The following PTPRN2 variants were observed in gnomAD, a reference collection of about 807,000 sequenced individuals.
The protein encoded by PTPRN2 is protein tyrosine phosphatase receptor type N2.
Under a neutral mutation model 118.8 loss-of-function variants are expected in PTPRN2, and 74 were observed. That is an observed-to-expected ratio of 0.62 (90% CI 0.52 to 0.76). PTPRN2 has a LOEUF of 0.76. Ranked by LOEUF, PTPRN2 falls within the 30% of genes least tolerant of loss-of-function variation. The pLI, the probability that PTPRN2 is intolerant of heterozygous loss-of-function variation, is 0.00. For synonymous variants in PTPRN2, 641 were observed against 608.0 expected, an observed-to-expected ratio of 1.05 and a Z score of -0.80; for missense variants, 1,481 against 1,394.4, an observed-to-expected ratio of 1.06 and a Z score of -0.99.
intron 3 of PTPRN2, among the ~76,000 whole-genome samples, chr7:158,273,689 A>T (rs1256030915): frequency 8.0e-6 from 1 of 124,430 alleles, no homozygotes; most frequent in East Asian, 2.5e-4. Flanking sequence ...AGACACAGGG[A>T]GCCGCAGACA....
intron 18 of PTPRN2, 144 bp downstream of exon 18, chr7:157,577,877 A>G: frequency 8.7e-7 from 1 of 1,146,052 alleles, no homozygotes; most frequent in Non-Finnish European, 1.2e-6. Context: ...GGGGTGGCTC[A>G]GCCTCCATCC....
At chr7:158,248,971 G>A (rs906533130) in intron 3 of PTPRN2, among the ~76,000 whole-genome samples, 1 of 136,350 alleles carries the variant, frequency 7.3e-6, no homozygotes. Context: ...GCACATACAC[G>A]TGCACACCAC....
chr7:157,959,252 A>G (rs1388794974), intron 11 of PTPRN2, among the ~76,000 whole-genome samples: 1 of 152,254 alleles, frequency 6.6e-6, no homozygotes, highest in African/African-American at 2.4e-5. Flanking sequence ...AGATGAAACT[A>G]TAAAGCTCTA....
intron 3 of PTPRN2, among the ~76,000 whole-genome samples, chr7:158,234,956 G>A (rs1265779515): frequency 1.3e-5 from 2 of 152,166 alleles, no homozygotes; most frequent in African/African-American, 2.4e-5. Context: ...TAGAGACGGG[G>A]TTTCACCATG....
intron 11 of PTPRN2, among the ~76,000 whole-genome samples, chr7:157,957,989 G>A (rs947909477): frequency 2.0e-5 from 3 of 152,042 alleles, no homozygotes; most frequent in African/African-American, 7.2e-5. Context: ...AAAAATCTTC[G>A]ACAAAATACT....
intron 1 of PTPRN2, among the ~76,000 whole-genome samples, chr7:158,510,443 ACTCTCT>A (rs10581746): frequency 0.18 from 26,686 of 146,690 alleles, 2,704 homozygotes; most frequent in East Asian, 0.38. Flanking sequence ...GTGTGTGTTT[ACTCTCT>A]CTCTCTCTCT....
intron 15 of PTPRN2, among the ~76,000 whole-genome samples, chr7:157,606,552 A>G (rs1302447799): frequency 6.6e-6 from 1 of 152,230 alleles, no homozygotes; most frequent in Non-Finnish European, 1.5e-5. Context: ...ACCAATTTCC[A>G]TCTTTTCTGA....
chr7:157,547,179 C>T (rs1019280184), intron 22 of PTPRN2, among the ~76,000 whole-genome samples: 1 of 152,178 alleles, frequency 6.6e-6, no homozygotes, highest in African/African-American at 2.4e-5. Context: ...TGTGGAGTCA[C>T]GAACACACCT....
chr7:158,162,691 TCCACTGAA>T (rs1012698439), intron 6 of PTPRN2, among the ~76,000 whole-genome samples: 4 of 121,994 alleles, frequency 3.3e-5, no homozygotes, highest in Non-Finnish European at 7.3e-5. Context: ...AGATAGGCCT[TCCACTGAA>T]CCTGCTTTAA....
rs891823312 is a variant in PTPRN2 at position 158,310,033 on chromosome 7, C to T, written c.277+6786G>A. On this transcript the variant is annotated intron_variant, in intron 3 of 22. Transcript: ENST00000389418. ...AACCAGGAAGCCACCCACCACCAGACACCAAATATGGGGGAGCCTCCAGAG... is the reference window on the plus strand; with the variant it reads ...AACCAGGAAGCCACCCACCACCAGATACCAAATATGGGGGAGCCTCCAGAG... 9.1e-4 allele frequency among the ~76,000 whole-genome samples: 138 copies of T among 152,306 alleles called. 1 individual carries two copies. The highest frequency in any genetic ancestry group is 3.0e-3 in the African/African-American group (124 of 41,570).
Position 158,309,392 on chromosome 7 carries a change from G to A in PTPRN2, c.277+7427C>T, listed in dbSNP as rs978683494. Reference sequence around the variant, plus strand: ...GGGATGCTTCCTGCCTTCGAACCTCGGACCTCAAGTTATTCAGCTTTAGGA... The same window carrying A: ...GGGATGCTTCCTGCCTTCGAACCTCAGACCTCAAGTTATTCAGCTTTAGGA... On this transcript the variant is annotated intron_variant, in intron 3 of 22. Transcript: ENST00000389418. 1.5e-4 allele frequency among the ~76,000 whole-genome samples: 14 copies of A among 93,138 alleles called. 1 individual carries two copies. Among genetic ancestry groups the A allele is most frequent in the Admixed American group, 7.8e-4 (7 of 8,996 alleles). The allele number at this position is 93,138 out of a possible 152,430, so 61.1% of individuals were successfully genotyped here.
At chr7:158,070,524 TG>T (rs1312045308) in intron 11 of PTPRN2, among the ~76,000 whole-genome samples, 10 of 122,278 alleles carry the variant, frequency 8.2e-5, no homozygotes, top group African/African-American at 2.5e-4. Flanking sequence ...GTGCTCCTGG[TG>T]GTGGAGGTGC....
intron 11 of PTPRN2, among the ~76,000 whole-genome samples, chr7:157,957,799 A>C (rs1436845935): frequency 6.6e-6 from 1 of 152,146 alleles, no homozygotes; most frequent in Non-Finnish European, 1.5e-5. Flanking sequence ...TTGATGGATA[A>C]ATTTTACCAA....
chr7:158,524,023 C>T lies in PTPRN2; in HGVS notation c.113-34238G>A, dbSNP rs559076995. ...GGAGTCGTCTACCCTGGAGTGGAGT[C>T]GTCTGCCCTGGAGTGGAGTCTGCCC... On this transcript the variant is annotated intron_variant, in intron 1 of 22. Coordinates refer to ENST00000389418, the MANE Select transcript of PTPRN2 (RefSeq NM_002847.5). 3.8e-3 allele frequency among the ~76,000 whole-genome samples: 209 copies of T among 54,520 alleles called. 3 individuals are homozygous for T. The highest frequency in any genetic ancestry group is 0.026 in the Middle Eastern group (1 of 38). 35.8% of individuals were successfully genotyped at this position (54,520 alleles called of 152,430 possible).
At chr7:157,830,523 C>G (rs942230620) in intron 12 of PTPRN2, among the ~76,000 whole-genome samples, 5 of 151,718 alleles carry the variant, frequency 3.3e-5, no homozygotes, top group African/African-American at 1.2e-4. Flanking sequence ...GTTGACCGTG[C>G]ACCTGCTGTG....
chr7:157,671,826 G>C lies in PTPRN2; in HGVS notation c.2001+10899C>G, dbSNP rs913894556. Among the ~76,000 whole-genome samples the C allele has an allele frequency of 6.6e-6, 1 of 152,140 alleles. No homozygotes were observed. The highest frequency in any genetic ancestry group is 2.4e-5 in the African/African-American group (1 of 41,430). On this transcript the variant is annotated intron_variant, in intron 13 of 22. Transcript: ENST00000389418. This position sits in a 1 kb window ranked among gnomAD's most constrained non-coding sequence, Gnocchi z 4.1. Reference sequence around the variant, plus strand: ...AAGAGCTTCTTCCTACCAGACCCCCGAAGGCCAGGGTCTGGGGGCCTGCTG... The same window carrying C: ...AAGAGCTTCTTCCTACCAGACCCCCCAAGGCCAGGGTCTGGGGGCCTGCTG...
intron 2 of PTPRN2, among the ~76,000 whole-genome samples, chr7:158,446,973 C>T (rs769330071): frequency 2.9e-4 from 44 of 152,178 alleles, no homozygotes; most frequent in Non-Finnish European, 5.3e-4. Context: ...CAGAAGCCCA[C>T]GGGTGGCTTT....
intron 2 of PTPRN2, among the ~76,000 whole-genome samples, chr7:158,384,683 A>G (rs1037204862): frequency 1.3e-5 from 2 of 152,206 alleles, no homozygotes; most frequent in Non-Finnish European, 2.9e-5. Flanking sequence ...ATCAAAAATC[A>G]CTGCAAACTG....
At chr7:157,832,089 CA>C (rs1236592340) in intron 12 of PTPRN2, among the ~76,000 whole-genome samples, 2 of 152,186 alleles carry the variant, frequency 1.3e-5, no homozygotes, top group African/African-American at 4.8e-5. Context: ...AATTCTTCAG[CA>C]GCGCCCGGAA....
Sources: allele counts gnomAD v4.1 joint callset (sites outside exome capture counted in the v4.1 genomes callset), GRCh38; gene constraint gnomAD v4.1.1; non-coding constraint Gnocchi (gnomAD v3.1); transcripts MANE v1.5; gene names NCBI Gene and HGNC (gene_info 2026-07-23, HGNC 2026-07-21).